Variants in FRRS1 observed in about 807,000 individuals in gnomAD.
FRRS1 encodes the protein ferric reductase 1.
Under a neutral mutation model 70.7 loss-of-function variants are expected in FRRS1, and 51 were observed. That is an observed-to-expected ratio of 0.72 (90% CI 0.58 to 0.91). FRRS1 has a LOEUF of 0.91. FRRS1 is among the 40% of genes least tolerant of loss of function. FRRS1 has a pLI of 0.00. For synonymous variants in FRRS1, 225 were observed against 238.7 expected (o/e 0.94, Z 0.53); for missense variants, 672 against 726.0 (o/e 0.93, Z 0.86).
intron 9 of FRRS1, among the ~76,000 whole-genome samples, chr1:99,721,119 G>A (rs992166778): frequency 5.9e-5 from 9 of 152,058 alleles, no homozygotes; most frequent in East Asian, 1.9e-4. Context: ...GGTGGCTCAC[G>A]CCTGTAATTC....
chr1:99,716,341 G>T (rs6668225), intron 11 of FRRS1, among the ~76,000 whole-genome samples: 1 of 152,002 alleles, frequency 6.6e-6, no homozygotes, highest in East Asian at 1.9e-4. Context: ...TGACATGTAT[G>T]TACACACATC....
At chr1:99,760,767 A>C (rs888526121) in intron 1 of FRRS1, among the ~76,000 whole-genome samples, 6 of 152,120 alleles carry the variant, frequency 3.9e-5, no homozygotes, top group Admixed American at 6.5e-5. Flanking sequence ...CTCCTGCCTC[A>C]GCCTCCCAAG....
chr1:99,705,587 C>T lies in FRRS1; in HGVS notation c.*3441G>A, dbSNP rs1394810992. Reference sequence around the variant, plus strand: ...TGCATTTGTCTTTTCCCACTGCAGCCTGGACTGGTGCAGGATGTGGAAGGG... The same window carrying T: ...TGCATTTGTCTTTTCCCACTGCAGCTTGGACTGGTGCAGGATGTGGAAGGG... On this transcript the variant is annotated 3_prime_UTR_variant, in exon 17 of 17. Transcript: ENST00000646001. Among the ~76,000 whole-genome samples the T allele has an allele frequency of 1.3e-5, 2 of 152,148 alleles. No individual in the cohort carries two copies. Among genetic ancestry groups the T allele is most frequent in the African/African-American group, 4.8e-5 (2 of 41,422 alleles).
intron 10 of FRRS1, among the ~76,000 whole-genome samples, chr1:99,719,181 C>T (rs1654680427): frequency 6.6e-6 from 1 of 151,924 alleles, no homozygotes; most frequent in Non-Finnish European, 1.5e-5. Flanking sequence ...GAGGCCTAGG[C>T]GGGCAGATCA....
At chr1:99,728,435 A>T in intron 9 of FRRS1, 58 bp downstream of exon 9, 2 of 1,394,572 alleles carry the variant, frequency 1.4e-6, no homozygotes, top group Non-Finnish European at 1.9e-6. Context: ...AAATGGGGGA[A>T]AGAGAGGGAA....
At chr1:99,720,379 A>T (rs1654753711) in intron 9 of FRRS1, among the ~76,000 whole-genome samples, 1 of 152,196 alleles carries the variant, frequency 6.6e-6, no homozygotes, top group African/African-American at 2.4e-5. Context: ...GGCAAAAAAT[A>T]AAAAAGCAAA....
At position 99,705,089 on chromosome 1, in the gene FRRS1, G is replaced by A. The variant is rs1654000349; in HGVS notation, c.*3939C>T. Among the ~76,000 whole-genome samples the A allele has an allele frequency of 1.3e-5, 2 of 152,296 alleles. No homozygotes were observed. The highest frequency in any genetic ancestry group is 3.4e-3 in the Middle Eastern group (1 of 294). On this transcript the variant is annotated 3_prime_UTR_variant, in exon 17 of 17. Coordinates refer to ENST00000646001, the MANE Select transcript of FRRS1 (RefSeq NM_001361041.2). ...GGACAGCTAAACTAAAAGAGCACGT[G>A]GTAACACATGCCCACTGGGGCTTCA...
chr1:99,720,669 T>A (rs770274413), intron 9 of FRRS1, among the ~76,000 whole-genome samples: 1 of 152,168 alleles, frequency 6.6e-6, no homozygotes, highest in Non-Finnish European at 1.5e-5. Flanking sequence ...TAGATATTTA[T>A]AAAACTACTC....
At chr1:99,711,818 T>G (rs527969330) in intron 14 of FRRS1, among the ~76,000 whole-genome samples, 2 of 152,316 alleles carry the variant, frequency 1.3e-5, no homozygotes, top group African/African-American at 4.8e-5. Context: ...ACTCAAATGT[T>G]TGGCCATCAG....
chr1:99,717,533 T>G lies in FRRS1; in HGVS notation c.1121-8A>C, dbSNP rs1265412282. On this transcript the variant is annotated splice_polypyrimidine_tract_variant and splice_region_variant and intron_variant, in intron 10 of 16. Coordinates refer to ENST00000646001, the MANE Select transcript of FRRS1 (RefSeq NM_001361041.2). ...CCACAAACATTAAGGCACCTACAAG[T>G]GAGATAAATGCAATAGTAGACAATC... 6.5e-7 allele frequency: 1 copy of G among 1,545,802 alleles called. No individual in the cohort carries two copies. Among genetic ancestry groups the G allele is most frequent in the Non-Finnish European group, 8.9e-7 (1 of 1,118,074 alleles).
At chr1:99,760,707 TG>T (rs1657074951) in intron 1 of FRRS1, among the ~76,000 whole-genome samples, 1 of 152,154 alleles carries the variant, frequency 6.6e-6, no homozygotes, top group African/African-American at 2.4e-5. Context: ...TGGAGTACCA[TG>T]GTGTGATCTT....
chr1:99,716,533 G>A (rs1018855695), intron 11 of FRRS1, among the ~76,000 whole-genome samples: 1 of 152,208 alleles, frequency 6.6e-6, no homozygotes, highest in South Asian at 2.1e-4. Flanking sequence ...AAAGAAAGGA[G>A]CAAGGTGAGC....
In FRRS1 at chr1:99,715,614, G is replaced by A. The variant is rs754444695; in HGVS notation, c.1295C>T (p.Pro432Leu). 35 of 1,611,920 alleles carry A rather than the reference G, an allele frequency of 2.2e-5. No individual in the cohort carries two copies. The highest frequency in any genetic ancestry group is 1.2e-4 in the South Asian group (11 of 91,014). The change falls in exon 12 of 17, where the codon CCG becomes CTG. Residue 432 changes from proline (P) to leucine (L), a missense_variant. Transcript: ENST00000646001. ...ACTCCAGCCTCCCCTGTATATAAAC[G>A]GCATAACAAAAGCAATGCAGGTGAG... ...TVLTCIAFVM[P>L]FIYRGGWSRH...
Position 99,728,471 on chromosome 1 carries a change from G to C in FRRS1, c.1006+22C>G, listed in dbSNP as rs191310443. On this transcript the variant is annotated intron_variant, in intron 9 of 16. Coordinates refer to ENST00000646001, the MANE Select transcript of FRRS1 (RefSeq NM_001361041.2). ...GAAGAGAGAAAAAGACACTTGAAAA[G>C]ACAGCTTAACAATATACTTACCATC... 1.1e-4 allele frequency: 164 copies of C among 1,540,422 alleles called. 1 individual carries two copies. The African/African-American group carries it at 2.1e-3, about 20-fold the overall frequency.
chr1:99,717,307 T>C lies in FRRS1; in HGVS notation c.1236+103A>G, dbSNP rs573895541. 4 of 786,862 alleles carry C rather than the reference T, an allele frequency of 5.1e-6. No individual in the cohort carries two copies. The East Asian group carries it at 9.8e-5, about 19-fold the overall frequency. 48.7% of individuals were successfully genotyped at this position (786,862 alleles called of 1,614,324 possible). ...AAAAGGAGGATCCCAAACCTACAAC[T>C]GCAACCACAAAACGCATACACATAC... On this transcript the variant is annotated intron_variant, in intron 11 of 16. Transcript: ENST00000646001.
intron 15 of FRRS1, among the ~76,000 whole-genome samples, chr1:99,710,105 C>T (rs1292147171): frequency 1.3e-5 from 2 of 152,184 alleles, no homozygotes; most frequent in African/African-American, 4.8e-5. Flanking sequence ...CCACCCCAGG[C>T]TCTCCTAAGT....
intron 1 of FRRS1, among the ~76,000 whole-genome samples, chr1:99,752,146 A>G (rs1656601254): frequency 6.6e-6 from 1 of 152,182 alleles, no homozygotes; most frequent in Non-Finnish European, 1.5e-5. Flanking sequence ...CTTTCTCCAT[A>G]TCAACAATAA....
At chr1:99,737,610 C>T (rs1157245447) in intron 7 of FRRS1, among the ~76,000 whole-genome samples, 1 of 152,178 alleles carries the variant, frequency 6.6e-6, no homozygotes, top group African/African-American at 2.4e-5. Context: ...GAAGTAATTG[C>T]CCAACTGTTA....
intron 1 of FRRS1, among the ~76,000 whole-genome samples, chr1:99,753,550 G>A (rs1018615144): frequency 6.6e-6 from 1 of 151,958 alleles, no homozygotes; most frequent in Admixed American, 6.6e-5. Context: ...GGTGGATCAC[G>A]AGGTCAAGAG....
Sources: allele counts gnomAD v4.1 joint callset (sites outside exome capture counted in the v4.1 genomes callset), GRCh38; gene constraint gnomAD v4.1.1; transcripts MANE v1.5; gene names NCBI Gene and HGNC (gene_info 2026-07-23, HGNC 2026-07-21).